The following LRRC17 variants were observed in gnomAD, a reference collection of about 807,000 sequenced individuals.
The protein encoded by LRRC17 is leucine rich repeat containing 17.
Under a neutral mutation model 41.5 loss-of-function variants are expected in LRRC17, and 33 were observed. The ratio of observed to expected loss-of-function variants is 0.80; its 90% CI spans 0.60 to 1.06. LRRC17 has a LOEUF of 1.06. Among genes scored for constraint, LRRC17 ranks in the 50% least tolerant of loss-of-function variants. The pLI is 0.00. For missense variants in LRRC17, 491 were observed against 519.3 expected (o/e 0.95, Z 0.53); for synonymous variants, 192 against 197.0 (o/e 0.97, Z 0.21).
intron 1 of LRRC17, among the ~76,000 whole-genome samples, chr7:102,914,098 G>A (rs1815324452): frequency 6.6e-6 from 1 of 152,274 alleles, no homozygotes; most frequent in Admixed American, 6.5e-5. Context: ...TTTCGCTCTT[G>A]TTGCCCAGCT....
At chr7:102,938,627 G>C (rs996432064) in intron 2 of LRRC17, among the ~76,000 whole-genome samples, 4 of 152,154 alleles carry the variant, frequency 2.6e-5, no homozygotes, top group African/African-American at 9.7e-5. Context: ...ATAGTACCTG[G>C]ACTAGAAATA....
intron 1 of LRRC17, chr7:102,926,216 G>A (rs1324771667): frequency 1.4e-6 from 2 of 1,459,406 alleles, no homozygotes; most frequent in Non-Finnish European, 1.9e-6. Flanking sequence ...GCTAGAGCAA[G>A]CCAGAGACTT....
chr7:102,941,678 T>G (rs931516392), intron 3 of LRRC17, among the ~76,000 whole-genome samples: 2 of 152,066 alleles, frequency 1.3e-5, no homozygotes, highest in Non-Finnish European at 2.9e-5. Context: ...TCTAATTTCC[T>G]TCTGCTGTCA....
chr7:102,941,471 A>G (rs1442534610), intron 3 of LRRC17, among the ~76,000 whole-genome samples: 2 of 152,178 alleles, frequency 1.3e-5, no homozygotes, highest in South Asian at 2.1e-4. Flanking sequence ...ATGCTCAGGG[A>G]GACTGATTTG....
rs1449166511 is a variant in LRRC17 at position 102,933,981 on chromosome 7, C to T, written c.68C>T (p.Pro23Leu). Reference sequence around the variant, plus strand: ...GCGGCTGAGCTGCGCAAAGCAAGCCCAGGCAGTGTGAGAAGCCGAGTGAAT... The same window carrying T: ...GCGGCTGAGCTGCGCAAAGCAAGCCTAGGCAGTGTGAGAAGCCGAGTGAAT... ...CKAAELRKAS[P>L]GSVRSRVNHG... The change falls in exon 2 of 4, where the codon CCA (proline) becomes CTA (leucine). Residue 23 changes from proline (P) to leucine (L), a missense_variant. By Grantham distance (98) the Pro-to-Leu change is moderately conservative. Transcript: ENST00000339431. 1.9e-6 allele frequency: 3 copies of T among 1,614,102 alleles called. No individual in the cohort carries two copies. Among genetic ancestry groups the T allele is most frequent in the African/African-American group, 1.3e-5 (1 of 75,028 alleles).
At position 102,934,586 on chromosome 7, in the gene LRRC17, CA is replaced by C; in HGVS notation, c.675del (p.Val226CysfsTer34). On this transcript the variant is annotated frameshift_variant, in exon 2 of 4. Coordinates refer to ENST00000339431, the MANE Select transcript of LRRC17 (RefSeq NM_001031692.3). LOFTEE classifies it high-confidence loss of function. The stretch of plus-strand genomic sequence containing the variant: ...AAAGGAACAATTGGACCCGAAACCC[CA>C]AGTGTCAGGGAGACCCCCAGTCATC... The part of the protein sequence containing the change: ...EEKEQLDPKP[Q>X]VSGRPPVIKP... 2 of 1,614,066 alleles carry C rather than the reference CA, an allele frequency of 1.2e-6. No homozygotes were observed. Among genetic ancestry groups the C allele is most frequent in the Non-Finnish European group, 1.7e-6 (2 of 1,179,958 alleles).
chr7:102,944,107 G>C lies in LRRC17; in HGVS notation c.929-103G>C, dbSNP rs965246060. The C allele has an allele frequency of 1.0e-4, 88 of 871,868 alleles. 1 individual carries two copies. In the Middle Eastern group the frequency reaches 4.1e-3, roughly 41 times the overall value. The allele number at this position is 871,868 out of a possible 1,614,324, so 54.0% of individuals were successfully genotyped here. On this transcript the variant is annotated intron_variant, in intron 3 of 3. Coordinates refer to ENST00000339431, the MANE Select transcript of LRRC17 (RefSeq NM_001031692.3). ...AAAAGAAATCTCTTTATTTTCAAAG[G>C]GGAAAATTAAGCCTCTTTTTAAAAT...
intron 1 of LRRC17, among the ~76,000 whole-genome samples, chr7:102,920,611 A>G (rs1310081510): frequency 2.0e-5 from 3 of 151,934 alleles, no homozygotes; most frequent in Non-Finnish European, 4.4e-5. Flanking sequence ...TCAGCCTCCC[A>G]AACTGCTGGG....
chr7:102,919,330 G>T (rs754747625), intron 1 of LRRC17, among the ~76,000 whole-genome samples: 1 of 152,138 alleles, frequency 6.6e-6, no homozygotes, highest in Non-Finnish European at 1.5e-5. Context: ...AAATAAAAAT[G>T]ATGAAAGAGA....
At chr7:102,941,618 A>T (rs1453109197) in intron 3 of LRRC17, among the ~76,000 whole-genome samples, 4 of 152,078 alleles carry the variant, frequency 2.6e-5, no homozygotes, top group African/African-American at 9.7e-5. Context: ...GCTACAAACT[A>T]AAGAATCTCA....
At chr7:102,926,131 G>T in intron 1 of LRRC17, 1 of 652,428 alleles carries the variant, frequency 1.5e-6, no homozygotes, top group Non-Finnish European at 2.6e-6. Flanking sequence ...GGACTTGAAA[G>T]CAGCAGACCC....
intron 1 of LRRC17, among the ~76,000 whole-genome samples, chr7:102,930,953 CA>C (rs974542422): frequency 7.9e-5 from 12 of 152,126 alleles, no homozygotes; most frequent in African/African-American, 2.7e-4. Context: ...CCACAAAGAA[CA>C]AGACACATCT....
rs144558493 is a variant in LRRC17 at position 102,924,021 on chromosome 7, T to C, written c.-140-9753T>C. 3.7e-3 allele frequency among the ~76,000 whole-genome samples: 566 copies of C among 151,994 alleles called. 5 individuals are homozygous for C. Among genetic ancestry groups the C allele is most frequent in the African/African-American group, 0.013 (559 of 41,490 alleles). On this transcript the variant is annotated intron_variant, in intron 1 of 3. Coordinates refer to ENST00000339431, the MANE Select transcript of LRRC17 (RefSeq NM_001031692.3). ...TTGGGAGGCCAAGGAGGGTGGATCA[T>C]CTAAGGTCAGGAGTTTGAGGCCAGC...
At chr7:102,926,856 T>C (rs1459311649) in intron 1 of LRRC17, among the ~76,000 whole-genome samples, 1 of 152,214 alleles carries the variant, frequency 6.6e-6, no homozygotes, top group Non-Finnish European at 1.5e-5. Context: ...GTGTGTATAA[T>C]TAAGCTTCTG....
Position 102,934,521 on chromosome 7 carries a change from TGCG to T in LRRC17, c.611_613del (p.Arg204del). On this transcript the variant is annotated inframe_deletion, in exon 2 of 4. Coordinates refer to ENST00000339431, the MANE Select transcript of LRRC17 (RefSeq NM_001031692.3). The stretch of plus-strand genomic sequence containing the variant: ...CCACAAGAACAAAAAAATAAAAAAC[TGCG>T]GCAGATAAAATCTGAACAGTTGTGT... 1.2e-6 allele frequency: 2 copies of T among 1,609,442 alleles called. No individual in the cohort carries two copies. Among genetic ancestry groups the T allele is most frequent in the Non-Finnish European group, 1.7e-6 (2 of 1,178,830 alleles).
chr7:102,944,737 TTATAAG>T lies in LRRC17; in HGVS notation c.*134_*139del. On this transcript the variant is annotated 3_prime_UTR_variant, in exon 4 of 4. Transcript: ENST00000339431. ...TCCAGCTAAAGGAAGCTTTCTTTAA[TTATAAG>T]TATTATTGTGACTATTATAGTAATC... 1.3e-6 allele frequency: 1 copy of T among 773,574 alleles called. No homozygotes were observed. Among genetic ancestry groups the T allele is most frequent in the Non-Finnish European group, 2.0e-6 (1 of 498,536 alleles). The allele number at this position is 773,574 out of a possible 1,614,324, so 47.9% of individuals were successfully genotyped here.
At chr7:102,931,723 T>C (rs1340944335) in intron 1 of LRRC17, among the ~76,000 whole-genome samples, 1 of 152,254 alleles carries the variant, frequency 6.6e-6, no homozygotes, top group African/African-American at 2.4e-5. Context: ...ATTAGCGTTG[T>C]GCAGATGGAG....
At position 102,934,676 on chromosome 7, in the gene LRRC17, A is replaced by G. The variant is rs1179278272; in HGVS notation, c.763A>G (p.Lys255Glu). ...YVFPIQTLDC[K>E]RKELKKVPNN... is the part of the protein sequence containing the mutation. Reference sequence around the variant, plus strand: ...GTTTCCCATACAAACACTGGACTGCAAAAGGAAAGGTTTGTACTTTTCTTA... The same window carrying G: ...GTTTCCCATACAAACACTGGACTGCGAAAGGAAAGGTTTGTACTTTTCTTA... Residue 255 changes from lysine (K) to glutamate (E), a missense_variant, in exon 2 of 4, where the codon AAA (lysine) becomes GAA (glutamate). Coordinates refer to ENST00000339431, the MANE Select transcript of LRRC17 (RefSeq NM_001031692.3). 2.5e-6 allele frequency: 4 copies of G among 1,585,674 alleles called. No homozygotes were observed. Among genetic ancestry groups the G allele is most frequent in the Middle Eastern group, 1.7e-4 (1 of 5,886 alleles).
rs537191788 is a variant in LRRC17, at chr7:102,930,702, T to C, written c.-140-3072T>C. Among the ~76,000 whole-genome samples, 14 of 152,260 alleles carry C rather than the reference T, an allele frequency of 9.2e-5. No homozygotes were observed. In the South Asian group the frequency reaches 2.7e-3, roughly 29 times the overall value. On this transcript the variant is annotated intron_variant, in intron 1 of 3. Transcript: ENST00000339431. Reference sequence around the variant, plus strand: ...TACTATTCCTTCTGAATATCCTCTGTTCCTAAAAGTCAGCATTCCGTAAGG... The same window carrying C: ...TACTATTCCTTCTGAATATCCTCTGCTCCTAAAAGTCAGCATTCCGTAAGG...
Sources: gnomAD v4.1 joint callset for allele counts (sites outside exome capture counted in the v4.1 genomes callset) on GRCh38, gnomAD v4.1.1 for gene constraint, MANE v1.5 for transcripts, NCBI Gene and HGNC (gene_info 2026-07-23, HGNC 2026-07-21) for gene names.